The following BTBD9 variants were observed in gnomAD, a reference collection of about 807,000 sequenced individuals.
BTBD9 encodes BTB domain containing 9.
In BTBD9, 49 loss-of-function variants were observed where a neutral mutation model predicts 64.3. The ratio of observed to expected loss-of-function variants is 0.76; its 90% confidence interval spans 0.61 to 0.97. The LOEUF (loss-of-function observed/expected upper bound fraction) is 0.97, where lower values mean the gene tolerates loss of function less well. BTBD9 is among the 50% of genes least tolerant of loss of function. BTBD9 has a pLI of 0.00. For synonymous variants in BTBD9, 260 were observed against 274.7 expected (o/e 0.95, Z 0.53); for missense variants, 598 against 762.1 (o/e 0.78, Z 2.53).
intron 6 of BTBD9, among the ~76,000 whole-genome samples, chr6:38,501,623 C>A (rs1772205877): frequency 3.9e-5 from 6 of 152,142 alleles, no homozygotes; most frequent in Admixed American, 3.9e-4. Flanking sequence ...TCTGGGGACT[C>A]CTGGGAGTCC....
chr6:38,198,340 T>C (rs1762338382), intron 9 of BTBD9, among the ~76,000 whole-genome samples: 1 of 151,934 alleles, frequency 6.6e-6, no homozygotes, highest in South Asian at 2.1e-4. Flanking sequence ...TGTGTCACCA[T>C]CGGAAAGAAG....
intron 6 of BTBD9, among the ~76,000 whole-genome samples, chr6:38,425,959 A>ACAC (rs1562168534): frequency 1.1e-5 from 1 of 89,244 alleles, no homozygotes; most frequent in Non-Finnish European, 2.6e-5. Flanking sequence ...CACACACACA[A>ACAC]ACAAAAGCAA....
rs1180524074 is a variant in BTBD9 at position 38,298,206 on chromosome 6, T to A, written c.1265-9745A>T. On this transcript the variant is annotated intron_variant, in intron 7 of 10. Transcript: ENST00000481247. Reference sequence around the variant, plus strand: ...AGATTATTTCATTTCCCCCACCAGCTATCCCAACTGATTTGGTTTGGAGGT... The same window carrying A: ...AGATTATTTCATTTCCCCCACCAGCAATCCCAACTGATTTGGTTTGGAGGT... Among the ~76,000 whole-genome samples, 4 of 152,050 alleles carry A rather than the reference T, an allele frequency of 2.6e-5. No individual in the cohort carries two copies. In the South Asian group the frequency reaches 8.3e-4, roughly 32 times the overall value.
intron 9 of BTBD9, among the ~76,000 whole-genome samples, chr6:38,246,321 T>C (rs1019750560): frequency 6.6e-6 from 1 of 152,210 alleles, no homozygotes; most frequent in Admixed American, 6.5e-5. Context: ...AGGTACTTCA[T>C]AACCCCATAA....
At chr6:38,326,060 T>G (rs887411324) in intron 7 of BTBD9, among the ~76,000 whole-genome samples, 1 of 151,916 alleles carries the variant, frequency 6.6e-6, no homozygotes. Flanking sequence ...TTACCAAGAC[T>G]AGGGGTAGGG....
At chr6:38,532,555 C>G (rs979933936) in intron 6 of BTBD9, among the ~76,000 whole-genome samples, 42 of 152,136 alleles carry the variant, frequency 2.8e-4, no homozygotes, top group African/African-American at 9.4e-4. Flanking sequence ...GAAAGGGTAC[C>G]ATAAAGAGGA....
chr6:38,577,700 C>A lies in BTBD9; in HGVS notation c.1054G>T (p.Glu352Ter). Residue 352 changes from glutamate (E) to a stop codon, truncating the protein, a stop_gained, in exon 6 of 11, where the codon GAA becomes TAA. Transcript: ENST00000481247. LOFTEE classifies it high-confidence loss of function. ...CAATCAAGTTCATCCATTGACACTTCAATGAAGTATGAGTAAGACCTGTGA... is the reference window on the plus strand; with the variant it reads ...CAATCAAGTTCATCCATTGACACTTAAATGAAGTATGAGTAAGACCTGTGA... ...RDSRSYSYFI[E>*]VSMDELDWVR... is the part of the protein sequence containing the mutation. The A allele has an allele frequency of 6.2e-7, 1 of 1,608,604 alleles. No homozygotes were observed. Among genetic ancestry groups the A allele is most frequent in the Non-Finnish European group, 8.5e-7 (1 of 1,179,240 alleles).
intron 6 of BTBD9, among the ~76,000 whole-genome samples, chr6:38,540,438 C>A (rs922415538): frequency 7.9e-5 from 12 of 152,204 alleles, no homozygotes; most frequent in Non-Finnish European, 1.8e-4. Context: ...TGTATTACAA[C>A]AGATTCCGCT....
chr6:38,396,825 T>G (rs2127628651), intron 6 of BTBD9, among the ~76,000 whole-genome samples: 1 of 152,322 alleles, frequency 6.6e-6, no homozygotes, highest in Non-Finnish European at 1.5e-5. Flanking sequence ...GATTACATGT[T>G]GAATTGATAC....
chr6:38,539,263 T>C (rs555604029), intron 6 of BTBD9, among the ~76,000 whole-genome samples: 13 of 152,312 alleles, frequency 8.5e-5, no homozygotes, highest in African/African-American at 2.6e-4. Context: ...ACATTTCCCA[T>C]ATTCAATGTC....
intron 1 of BTBD9, among the ~76,000 whole-genome samples, chr6:38,630,947 G>C (rs79226540): frequency 6.6e-6 from 1 of 152,256 alleles, no homozygotes; most frequent in Non-Finnish European, 1.5e-5. Flanking sequence ...ATTGAAACAC[G>C]TGCCTTCAGA....
At chr6:38,187,963 G>A (rs1774143567) in intron 10 of BTBD9, among the ~76,000 whole-genome samples, 1 of 152,180 alleles carries the variant, frequency 6.6e-6, no homozygotes, top group Admixed American at 6.5e-5. Flanking sequence ...TCACCTGAGA[G>A]CTGGACGGAT....
At chr6:38,333,832 G>A (rs1000441471) in intron 7 of BTBD9, among the ~76,000 whole-genome samples, 2 of 152,208 alleles carry the variant, frequency 1.3e-5, no homozygotes, top group Non-Finnish European at 2.9e-5. Context: ...AGAGAAGTGT[G>A]CCATTGCTAC....
intron 6 of BTBD9, among the ~76,000 whole-genome samples, chr6:38,538,450 AT>A: frequency 6.6e-6 from 1 of 152,188 alleles, no homozygotes; most frequent in Non-Finnish European, 1.5e-5. Flanking sequence ...CTCCAAGTAC[AT>A]TCTGGGAGTG....
chr6:38,266,930 A>G (rs1448680106), intron 8 of BTBD9, among the ~76,000 whole-genome samples: 1 of 152,242 alleles, frequency 6.6e-6, no homozygotes, highest in South Asian at 2.1e-4. Context: ...GCAGGTATGC[A>G]GCTTTTACGG....
chr6:38,458,788 T>C (rs566289024), intron 6 of BTBD9, among the ~76,000 whole-genome samples: 91 of 152,290 alleles, frequency 6.0e-4, no homozygotes, highest in African/African-American at 1.9e-3. Flanking sequence ...ACCACTTATA[T>C]GAATAATGGT....
intron 6 of BTBD9, among the ~76,000 whole-genome samples, chr6:38,394,079 A>G (rs1270836481): frequency 3.3e-5 from 5 of 152,086 alleles, no homozygotes; most frequent in African/African-American, 1.2e-4. Flanking sequence ...ACCAGCAACT[A>G]TTTACTGAGA....
chr6:38,223,571 C>T (rs1223412086), intron 9 of BTBD9, among the ~76,000 whole-genome samples: 2 of 152,122 alleles, frequency 1.3e-5, no homozygotes, highest in Non-Finnish European at 2.9e-5. Context: ...TTCCCGGCCT[C>T]GAGTGATCCT....
At chr6:38,299,530 CT>C (rs1315862265) in intron 7 of BTBD9, among the ~76,000 whole-genome samples, 3 of 152,186 alleles carry the variant, frequency 2.0e-5, no homozygotes, top group African/African-American at 7.2e-5. Context: ...TGTTGCCTGA[CT>C]TTTTAATGAT....
Sources: gnomAD v4.1 joint callset for allele counts (sites outside exome capture counted in the v4.1 genomes callset) on GRCh38, gnomAD v4.1.1 for gene constraint, MANE v1.5 for transcripts, NCBI Gene and HGNC (gene_info 2026-07-23, HGNC 2026-07-21) for gene names.